Variants in GRIK4 observed in about 807,000 individuals in gnomAD.
GRIK4 encodes glutamate receptor ionotropic, kainate 4.
GRIK4 carries 40 observed loss-of-function variants against 104.9 expected under a neutral mutation model. The observed-to-expected ratio is 0.38, with a 90% CI of 0.30 to 0.50. The LOEUF (loss-of-function observed/expected upper bound fraction) is 0.50. Among genes scored for constraint, GRIK4 ranks in the 20% least tolerant of loss-of-function variants. GRIK4 has a pLI of 0.93. For missense variants in GRIK4, 1,047 were observed against 1,308.1 expected (o/e 0.80, Z 3.08); for synonymous variants, 485 against 524.9 (o/e 0.92, Z 1.04).
chr11:120,958,300 C>G (rs546906026), intron 16 of GRIK4, among the ~76,000 whole-genome samples: 3 of 152,390 alleles, frequency 2.0e-5, no homozygotes, highest in Non-Finnish European at 2.9e-5. Context: ...GGGGAGGACT[C>G]AGCGCTGCTT....
At chr11:120,710,393 C>G (rs1257883545) in intron 3 of GRIK4, among the ~76,000 whole-genome samples, 1 of 152,172 alleles carries the variant, frequency 6.6e-6, no homozygotes, top group Non-Finnish European at 1.5e-5. Context: ...AGTCAAGATA[C>G]AGTTCGGACC....
intron 3 of GRIK4, among the ~76,000 whole-genome samples, chr11:120,709,690 A>C (rs148573278): frequency 3.7e-4 from 57 of 152,264 alleles, no homozygotes; most frequent in Non-Finnish European, 2.1e-4. Flanking sequence ...TGTTGCATAC[A>C]CTGTGTATGC....
intron 3 of GRIK4, among the ~76,000 whole-genome samples, chr11:120,726,598 A>G (rs949421136): frequency 6.6e-6 from 1 of 152,190 alleles, no homozygotes; most frequent in African/African-American, 2.4e-5. Flanking sequence ...GGCCTGAGCA[A>G]TTGGGAAGGA....
At chr11:120,731,919 ATTTGT>A (rs1216679307) in intron 3 of GRIK4, among the ~76,000 whole-genome samples, 2 of 151,748 alleles carry the variant, frequency 1.3e-5, no homozygotes, top group Admixed American at 1.3e-4. Flanking sequence ...TTCACCTCTG[ATTTGT>A]TTGTTTGGAT....
intron 6 of GRIK4, among the ~76,000 whole-genome samples, chr11:120,825,869 G>A (rs777831953): frequency 2.0e-5 from 3 of 152,222 alleles, no homozygotes; most frequent in Non-Finnish European, 4.4e-5. Flanking sequence ...TATGGCAGTG[G>A]GGGTGGAGGA....
At chr11:120,700,039 G>A (rs758175333) in intron 3 of GRIK4, among the ~76,000 whole-genome samples, 1 of 152,140 alleles carries the variant, frequency 6.6e-6, no homozygotes, top group African/African-American at 2.4e-5. Context: ...TGTATATTTG[G>A]GGTTTACAGC....
chr11:120,558,017 C>CAAAA (rs59960959), intron 1 of GRIK4, among the ~76,000 whole-genome samples: 65 of 39,392 alleles, frequency 1.7e-3, no homozygotes, highest in Non-Finnish European at 2.4e-3. Context: ...GACTCCGTCT[C>CAAAA]AAAAAAAAAA....
intron 1 of GRIK4, among the ~76,000 whole-genome samples, chr11:120,556,629 G>T (rs1447385966): frequency 6.6e-6 from 1 of 151,972 alleles, no homozygotes; most frequent in Non-Finnish European, 1.5e-5. Context: ...AGACCCCAGG[G>T]TCCTCAACTT....
rs1045601451 is a variant in GRIK4 at position 120,744,248 on chromosome 11, C to G, written c.83-58445C>G. On this transcript the variant is annotated intron_variant, in intron 3 of 20. Coordinates refer to ENST00000527524, the MANE Select transcript of GRIK4 (RefSeq NM_014619.5). Reference sequence around the variant, plus strand: ...AAAGCTCGGCTCCATCAGACTCTGCCGCAAACAGCTGCTGGGACTTGGGAA... The same window carrying G: ...AAAGCTCGGCTCCATCAGACTCTGCGGCAAACAGCTGCTGGGACTTGGGAA... 2.0e-5 allele frequency among the ~76,000 whole-genome samples: 3 copies of G among 152,088 alleles called. No individual in the cohort carries two copies. In the South Asian group the frequency reaches 6.2e-4, roughly 32 times the overall value.
chr11:120,692,142 A>C (rs1313623363), intron 3 of GRIK4, among the ~76,000 whole-genome samples: 2 of 152,228 alleles, frequency 1.3e-5, no homozygotes, highest in African/African-American at 2.4e-5. Flanking sequence ...GGTACCTGGC[A>C]TGACAGTTGT....
chr11:120,942,801 C>T (rs1448832453), intron 14 of GRIK4, among the ~76,000 whole-genome samples: 3 of 152,228 alleles, frequency 2.0e-5, no homozygotes, highest in East Asian at 3.9e-4. Flanking sequence ...GATGCTTGGT[C>T]AGATACTAGT....
intron 3 of GRIK4, among the ~76,000 whole-genome samples, chr11:120,743,399 A>C (rs1951375157): frequency 1.3e-5 from 2 of 152,162 alleles, no homozygotes; most frequent in African/African-American, 4.8e-5. Context: ...AAAGAAGGAA[A>C]TATCAGACAC....
At chr11:120,977,854 C>T (rs542411894) in intron 19 of GRIK4, among the ~76,000 whole-genome samples, 38 of 152,290 alleles carry the variant, frequency 2.5e-4, no homozygotes, top group African/African-American at 8.9e-4. Context: ...CCAATACCCC[C>T]ACCCAATACA....
chr11:120,623,454 C>T (rs993693567), intron 1 of GRIK4, among the ~76,000 whole-genome samples: 1 of 146,700 alleles, frequency 6.8e-6, no homozygotes, highest in South Asian at 2.1e-4. Flanking sequence ...TTAGGTGTGA[C>T]CCCATCGGTC....
chr11:120,659,509 A>G (rs1336198008), intron 2 of GRIK4, among the ~76,000 whole-genome samples: 3 of 152,098 alleles, frequency 2.0e-5, no homozygotes, highest in Admixed American at 6.5e-5. Flanking sequence ...AGGGGTTGTT[A>G]TAGTACTTTT....
chr11:120,649,834 C>T (rs926919657), intron 1 of GRIK4, among the ~76,000 whole-genome samples: 5 of 152,226 alleles, frequency 3.3e-5, no homozygotes, highest in African/African-American at 1.2e-4. Flanking sequence ...AAGTTGTTCT[C>T]TCCAAGTTGG....
In GRIK4 at chr11:120,549,530, G is replaced by A. The variant is rs752758901; in HGVS notation, c.-159+37643G>A. ...GGGCTGCAGTGGCACCTGTGTGCAG[G>A]CCCCTTTCCTGTAAGAGGTGAGGGC... On this transcript the variant is annotated intron_variant, in intron 1 of 20. Transcript: ENST00000527524. This position sits in a 1 kb window ranked among gnomAD's most constrained non-coding sequence, Gnocchi z 4.7. 2.0e-5 allele frequency among the ~76,000 whole-genome samples: 3 copies of A among 152,246 alleles called. No individual in the cohort carries two copies. The highest frequency in any genetic ancestry group is 4.8e-5 in the African/African-American group (2 of 41,468).
intron 12 of GRIK4, among the ~76,000 whole-genome samples, chr11:120,901,050 C>A (rs917931550): frequency 1.3e-5 from 2 of 152,132 alleles, no homozygotes; most frequent in African/African-American, 2.4e-5. Flanking sequence ...AGGATCGGGG[C>A]CCCTCTACTT....
chr11:120,910,846 G>A (rs2134527958), intron 13 of GRIK4, among the ~76,000 whole-genome samples: 1 of 152,332 alleles, frequency 6.6e-6, no homozygotes, highest in East Asian at 1.9e-4. Context: ...TGTGACACAT[G>A]GGGAAGGACC....
Sources: allele counts gnomAD v4.1 joint callset (sites outside exome capture counted in the v4.1 genomes callset), GRCh38; gene constraint gnomAD v4.1.1; non-coding constraint Gnocchi (gnomAD v3.1); transcripts MANE v1.5; gene names NCBI Gene and HGNC (gene_info 2026-07-23, HGNC 2026-07-21).